The following AGBL1 variants were observed in gnomAD, a reference collection of about 807,000 sequenced individuals.
AGBL1 encodes the protein cytosolic carboxypeptidase 4.
Under a neutral mutation model 118.9 loss-of-function variants are expected in AGBL1, and 130 were observed. That is an observed-to-expected ratio of 1.09 (90% CI 0.95 to 1.26). AGBL1 has a LOEUF of 1.26. Among genes scored for constraint, AGBL1 ranks in the 50% most tolerant of loss-of-function variants. AGBL1 has a pLI of 0.00. For missense variants in AGBL1, 1,584 were observed against 1,298.1 expected (o/e 1.22, Z -3.38); for synonymous variants, 555 against 478.9 (o/e 1.16, Z -2.08).
intron 23 of AGBL1, among the ~76,000 whole-genome samples, chr15:86,959,602 TA>T (rs1198790841): frequency 1.3e-5 from 2 of 152,136 alleles, no homozygotes; most frequent in Admixed American, 6.5e-5. Context: ...AGAGATGAAT[TA>T]AAATTTAAGC....
At chr15:86,803,618 G>A (rs4887244) in intron 22 of AGBL1, among the ~76,000 whole-genome samples, 16,721 of 152,112 alleles carry the variant, frequency 0.11, 1,435 homozygotes, top group African/African-American at 0.21. Context: ...TCCTTGAGTT[G>A]TACCTAATCT....
chr15:86,717,364 A>G lies in AGBL1; in HGVS notation c.3158+42928A>G, dbSNP rs372282671. On this transcript the variant is annotated intron_variant, in intron 22 of 22. Coordinates refer to ENST00000614907, the MANE Select transcript of AGBL1 (RefSeq NM_001386094.1). ...CATGACGATCTCTTCTAATTGACCT[A>G]CTAAACCCAGGGGAGAATGCTCTAT... Among the ~76,000 whole-genome samples the G allele has an allele frequency of 4.6e-5, 7 of 152,186 alleles. No individual in the cohort carries two copies. In the South Asian group the frequency reaches 1.2e-3, roughly 27 times the overall value.
At chr15:86,439,761 G>A (rs2082039319) in intron 18 of AGBL1, among the ~76,000 whole-genome samples, 1 of 152,172 alleles carries the variant, frequency 6.6e-6, no homozygotes, top group Non-Finnish European at 1.5e-5. Context: ...GAGGTGTTAT[G>A]AAATGAGTTA....
intron 4 of AGBL1, among the ~76,000 whole-genome samples, chr15:86,155,953 A>G (rs7171370): frequency 0.13 from 20,163 of 151,764 alleles, 1,493 homozygotes; most frequent in Middle Eastern, 0.23. Context: ...ATGAAGTCTC[A>G]CTCTTTTGCC....
chr15:86,928,548 G>T (rs987193297), intron 23 of AGBL1, among the ~76,000 whole-genome samples: 9 of 152,112 alleles, frequency 5.9e-5, no homozygotes, highest in African/African-American at 2.2e-4. Context: ...GCACTATCAC[G>T]TGCTGCAGAG....
chr15:86,977,064 T>C (rs1371174264), intron 23 of AGBL1, among the ~76,000 whole-genome samples: 1 of 152,028 alleles, frequency 6.6e-6, no homozygotes, highest in Non-Finnish European at 1.5e-5. Context: ...TTTATTGTTC[T>C]CTTCAGGTAT....
intron 23 of AGBL1, among the ~76,000 whole-genome samples, chr15:86,958,722 A>G (rs2080959025): frequency 6.6e-6 from 1 of 152,196 alleles, no homozygotes; most frequent in African/African-American, 2.4e-5. Context: ...AAATGTATTC[A>G]AAGGGATAGT....
chr15:86,620,820 T>G (rs920425317), intron 21 of AGBL1, among the ~76,000 whole-genome samples: 3 of 152,070 alleles, frequency 2.0e-5, no homozygotes, highest in Admixed American at 6.6e-5. Flanking sequence ...CTTTTTTTTT[T>G]TCTATAGCAT....
chr15:86,664,815 TTTAA>T (rs1295961165), intron 21 of AGBL1, among the ~76,000 whole-genome samples: 1 of 150,748 alleles, frequency 6.6e-6, no homozygotes, highest in Non-Finnish European at 1.5e-5. Flanking sequence ...TAATTTTAAA[TTTAA>T]TTTTATTTGT....
rs772540631 is a variant in AGBL1 at position 86,694,488 on chromosome 15, C to CT, written c.3158+20057dup. Among the ~76,000 whole-genome samples, 6 of 152,018 alleles carry CT rather than the reference C, an allele frequency of 3.9e-5. No individual in the cohort carries two copies. The South Asian group carries it at 6.2e-4, about 16-fold the overall frequency. ...TGAACTCGTATATTAGTTCTAGGAG[C>CT]TTTTTGATGGAGTCTTTAGGGTTTT... On this transcript the variant is annotated intron_variant, in intron 22 of 22. Coordinates refer to ENST00000614907, the MANE Select transcript of AGBL1 (RefSeq NM_001386094.1).
chr15:86,346,044 G>A (rs776853981), intron 17 of AGBL1, among the ~76,000 whole-genome samples: 7 of 151,544 alleles, frequency 4.6e-5, no homozygotes, highest in East Asian at 3.9e-4. Context: ...GTGTAATGGC[G>A]TGATCTCGGC....
At chr15:86,655,613 C>G (rs1165152730) in intron 21 of AGBL1, among the ~76,000 whole-genome samples, 2 of 152,120 alleles carry the variant, frequency 1.3e-5, no homozygotes, top group Non-Finnish European at 2.9e-5. Context: ...CCATCAAATT[C>G]ATATATGTTG....
chr15:86,314,715 T>C lies in AGBL1; in HGVS notation c.2374+19307T>C, dbSNP rs184927994. The stretch of plus-strand genomic sequence containing the variant: ...TGACTGGCTTTCCTGAGACATTGCT[T>C]CCCCAGTAGGAAGTCCCTTTAATCC... On this transcript the variant is annotated intron_variant, in intron 17 of 22. Coordinates refer to ENST00000614907, the MANE Select transcript of AGBL1 (RefSeq NM_001386094.1). Among the ~76,000 whole-genome samples the C allele has an allele frequency of 2.4e-4, 36 of 152,212 alleles. No individual in the cohort carries two copies. The East Asian group carries it at 6.6e-3, about 28-fold the overall frequency.
chr15:86,783,625 C>G (rs115655973), intron 22 of AGBL1, among the ~76,000 whole-genome samples: 1 of 152,036 alleles, frequency 6.6e-6, no homozygotes, highest in Non-Finnish European at 1.5e-5. Context: ...GGGACTCTAA[C>G]CCATTTTTAT....
chr15:86,378,140 ACT>A (rs1235071265), intron 17 of AGBL1, among the ~76,000 whole-genome samples: 2 of 152,108 alleles, frequency 1.3e-5, no homozygotes, highest in African/African-American at 2.4e-5. Context: ...AATATATAAC[ACT>A]CTGCATAATA....
chr15:86,177,232 A>C (rs1010986207), intron 5 of AGBL1, among the ~76,000 whole-genome samples: 1 of 152,248 alleles, frequency 6.6e-6, no homozygotes, highest in African/African-American at 2.4e-5. Flanking sequence ...GTAAAGGGTC[A>C]GTTTATTAGG....
At chr15:86,810,539 G>A (rs186085444) in intron 22 of AGBL1, among the ~76,000 whole-genome samples, 1 of 152,164 alleles carries the variant, frequency 6.6e-6, no homozygotes, top group East Asian at 1.9e-4. Context: ...AATACACTAG[G>A]AAATATACTG....
chr15:86,086,928 A>G (rs1357808531), intron 1 of AGBL1, among the ~76,000 whole-genome samples: 1 of 152,216 alleles, frequency 6.6e-6, no homozygotes, highest in African/African-American at 2.4e-5. Flanking sequence ...TGCACATTCC[A>G]GTACATGTCT....
chr15:86,357,938 G>A (rs147882581), intron 17 of AGBL1, among the ~76,000 whole-genome samples: 1 of 152,176 alleles, frequency 6.6e-6, no homozygotes, highest in African/African-American at 2.4e-5. Context: ...TATGCAACAT[G>A]ATGTTTTGAT....
Sources: gnomAD v4.1 joint callset for allele counts (sites outside exome capture counted in the v4.1 genomes callset) on GRCh38, gnomAD v4.1.1 for gene constraint, MANE v1.5 for transcripts, NCBI Gene and HGNC (gene_info 2026-07-23, HGNC 2026-07-21) for gene names.